MEI4: variants seen among roughly 807,000 people sequenced by gnomAD.
MEI4 encodes the protein meiotic double-stranded break formation protein 4.
In MEI4, 27 loss-of-function variants were observed where a neutral mutation model predicts 31.4. The observed-to-expected ratio is 0.86, with a 90% confidence interval of 0.63 to 1.19. The LOEUF is 1.19. Ranked by LOEUF, MEI4 falls within the 50% of genes most tolerant of loss-of-function variation. MEI4 has a pLI of 0.00. For synonymous variants in MEI4, 122 were observed against 145.4 expected (o/e 0.84, Z 1.16); for missense variants, 329 against 398.9 (o/e 0.82, Z 1.49).
chr6:77,748,341 C>T (rs751853258), intron 2 of MEI4, among the ~76,000 whole-genome samples: 2 of 152,232 alleles, frequency 1.3e-5, no homozygotes, highest in African/African-American at 2.4e-5. Flanking sequence ...GGTTTCCAAA[C>T]CTTAACTGTT....
chr6:77,805,951 G>A (rs893653782), intron 3 of MEI4, among the ~76,000 whole-genome samples: 19 of 152,070 alleles, frequency 1.2e-4, no homozygotes, highest in African/African-American at 4.6e-4. Flanking sequence ...TAGAATCATA[G>A]CTCCTTTTCT....
rs796171345 is a variant in MEI4, at chr6:77,924,477, A to G, written c.*1131A>G. The G allele has an allele frequency of 1.1e-4, 17 of 151,578 alleles. No homozygotes were observed. The highest frequency in any genetic ancestry group is 3.9e-4 in the East Asian group (2 of 5,142). The allele number at this position is 151,578 out of a possible 1,614,324, so 9.4% of individuals were successfully genotyped here. On this transcript the variant is annotated 3_prime_UTR_variant, in exon 5 of 5. Coordinates refer to ENST00000684080, the MANE Select transcript of MEI4 (RefSeq NM_001322247.2). ...TTTGTTATGTGACAGATAGATAATCAATCACAAAATATCTATCAGTGGCAT... is the reference window on the plus strand; with the variant it reads ...TTTGTTATGTGACAGATAGATAATCGATCACAAAATATCTATCAGTGGCAT...
chr6:77,840,250 A>G (rs1327144511), intron 4 of MEI4, among the ~76,000 whole-genome samples: 2 of 152,304 alleles, frequency 1.3e-5, no homozygotes, highest in East Asian at 3.9e-4. Flanking sequence ...AGGGCAGAAT[A>G]GAGATAACAA....
At chr6:77,698,839 C>G (rs1417168594) in intron 2 of MEI4, among the ~76,000 whole-genome samples, 5 of 152,168 alleles carry the variant, frequency 3.3e-5, no homozygotes, top group Non-Finnish European at 7.3e-5. Flanking sequence ...GGGAAGTTCT[C>G]CTGGATAATA....
intron 4 of MEI4, among the ~76,000 whole-genome samples, chr6:77,840,355 G>A (rs1351587029): frequency 3.3e-5 from 5 of 152,126 alleles, no homozygotes; most frequent in Non-Finnish European, 7.4e-5. Context: ...TCAGGAATCT[G>A]TGAAACAATA....
At chr6:77,814,436 ATTGT>A (rs1392310657) in intron 3 of MEI4, among the ~76,000 whole-genome samples, 6 of 152,116 alleles carry the variant, frequency 3.9e-5, no homozygotes, top group South Asian at 4.1e-4. Context: ...CTGTTAGAAA[ATTGT>A]TTGGGAACAC....
In MEI4 at chr6:77,924,723, T is replaced by C. The variant is rs1766805117; in HGVS notation, c.*1377T>C. 1.3e-5 allele frequency: 2 copies of C among 151,772 alleles called. No individual in the cohort carries two copies. The highest frequency in any genetic ancestry group is 2.9e-5 in the Non-Finnish European group (2 of 67,866). 9.4% of individuals were successfully genotyped at this position (151,772 alleles called of 1,614,324 possible). A position where few individuals can be genotyped will look rare whatever the true frequency, so the allele number is the denominator to read the frequency against. On this transcript the variant is annotated 3_prime_UTR_variant, in exon 5 of 5. Coordinates refer to ENST00000684080, the MANE Select transcript of MEI4 (RefSeq NM_001322247.2). ...GAAGCTCCTCTCATGGCAGTGGCAA[T>C]TGAGCAAGACGAAAGGCTAGGCTGA...
chr6:77,768,263 A>G (rs867675105), intron 3 of MEI4, among the ~76,000 whole-genome samples: 1 of 152,172 alleles, frequency 6.6e-6, no homozygotes, highest in Non-Finnish European at 1.5e-5. Context: ...CCTAAGTGCA[A>G]AGGAAATAAA....
chr6:77,913,135 A>G (rs1177168962), intron 4 of MEI4, among the ~76,000 whole-genome samples: 4 of 152,138 alleles, frequency 2.6e-5, no homozygotes, highest in Non-Finnish European at 5.9e-5. Flanking sequence ...TCTGGGATGA[A>G]TTCTACTTGA....
intron 3 of MEI4, among the ~76,000 whole-genome samples, chr6:77,819,250 A>G (rs983397804): frequency 7.2e-5 from 11 of 152,090 alleles, no homozygotes; most frequent in South Asian, 4.2e-4. Flanking sequence ...ATTGAACTCA[A>G]TATTGTTTTA....
intron 4 of MEI4, among the ~76,000 whole-genome samples, chr6:77,873,039 A>G (rs1049654710): frequency 9.9e-5 from 15 of 151,900 alleles, no homozygotes; most frequent in Non-Finnish European, 2.1e-4. Context: ...TGCAATAAAC[A>G]TACGTGTGCA....
intron 4 of MEI4, among the ~76,000 whole-genome samples, chr6:77,842,807 T>C (rs868649646): frequency 6.6e-6 from 1 of 152,044 alleles, no homozygotes. Context: ...CTGTAGTCCA[T>C]AAATACAACA....
At chr6:77,845,099 T>A (rs1770450730) in intron 4 of MEI4, among the ~76,000 whole-genome samples, 1 of 152,154 alleles carries the variant, frequency 6.6e-6, no homozygotes, top group African/African-American at 2.4e-5. Flanking sequence ...ACTTTCGATG[T>A]CTTCAGCTTT....
rs71558933 is a variant in MEI4 at position 77,868,499 on chromosome 6, C to CTATATATATATATATATATATATA, written c.900+39439_900+39440insTATATATATATATATATATATATA. ...GGAAAAAACTTCCATGTAAAAAATA[C>CTATATATATATATATATATATATA]TACATATATATATATATATATATAT... On this transcript the variant is annotated intron_variant, in intron 4 of 4. Coordinates refer to ENST00000684080, the MANE Select transcript of MEI4 (RefSeq NM_001322247.2). Among the ~76,000 whole-genome samples, 184 of 61,642 alleles carry CTATATATATATATATATATATATA rather than the reference C, an allele frequency of 3.0e-3. 22 individuals are homozygous for CTATATATATATATATATATATATA. Among genetic ancestry groups the CTATATATATATATATATATATATA allele is most frequent in the East Asian group, 6.1e-3 (13 of 2,124 alleles). The allele number at this position is 61,642 out of a possible 152,430, so 40.4% of individuals were successfully genotyped here.
At chr6:77,664,306 G>A (rs541291891) in intron 1 of MEI4, among the ~76,000 whole-genome samples, 10 of 152,144 alleles carry the variant, frequency 6.6e-5, no homozygotes, top group Non-Finnish European at 1.5e-4. Flanking sequence ...TGGGGTCTAG[G>A]GCTGTAAAGT....
At chr6:77,730,432 G>A (rs1317201175) in intron 2 of MEI4, among the ~76,000 whole-genome samples, 1 of 151,916 alleles carries the variant, frequency 6.6e-6, no homozygotes, top group African/African-American at 2.4e-5. Flanking sequence ...ACGGAATTAG[G>A]ACTATGTTTT....
intron 2 of MEI4, among the ~76,000 whole-genome samples, chr6:77,728,326 A>G (rs1461963052): frequency 6.6e-6 from 1 of 152,206 alleles, no homozygotes; most frequent in Non-Finnish European, 1.5e-5. Context: ...AGCTTATGAT[A>G]TAGTTAGAAA....
chr6:77,904,633 A>G (rs1766252962), intron 4 of MEI4, among the ~76,000 whole-genome samples: 1 of 152,136 alleles, frequency 6.6e-6, no homozygotes, highest in Admixed American at 6.6e-5. Context: ...GCTGCAGAGG[A>G]CATGAACTCA....
chr6:77,666,916 A>G (rs909069854), intron 1 of MEI4, among the ~76,000 whole-genome samples: 2 of 151,244 alleles, frequency 1.3e-5, no homozygotes, highest in African/African-American at 4.9e-5. Context: ...TTGCTGTGGT[A>G]GTAGGCTGAG....
Sources: gnomAD v4.1 joint callset for allele counts (sites outside exome capture counted in the v4.1 genomes callset) on GRCh38, gnomAD v4.1.1 for gene constraint, MANE v1.5 for transcripts, NCBI Gene and HGNC (gene_info 2026-07-23, HGNC 2026-07-21) for gene names.